The following GALNTL6 variants were observed in gnomAD, a reference collection of about 807,000 sequenced individuals.
GALNTL6 encodes the protein polypeptide N-acetylgalactosaminyltransferase-like 6.
In GALNTL6, 46 loss-of-function variants were observed where a neutral mutation model predicts 73.7. That is an observed-to-expected ratio of 0.62 (90% CI 0.49 to 0.80). The LOEUF is 0.80. Among genes scored for constraint, GALNTL6 ranks in the 30% least tolerant of loss-of-function variants. The probability of loss-of-function intolerance (pLI) is 0.00; values close to 1 mark genes in which losing one functional copy is unlikely to be tolerated. For missense variants in GALNTL6, 604 were observed against 755.0 expected (o/e 0.80, Z 2.34); for synonymous variants, 259 against 263.7 (o/e 0.98, Z 0.17).
intron 10 of GALNTL6, among the ~76,000 whole-genome samples, chr4:172,992,554 ATTTAT>A (rs1751587989): frequency 6.6e-6 from 1 of 152,158 alleles, no homozygotes. Flanking sequence ...GAGCTCTTTT[ATTTAT>A]TTTAATAATG....
At chr4:172,272,488 A>G (rs148086076) in intron 3 of GALNTL6, among the ~76,000 whole-genome samples, 6 of 152,316 alleles carry the variant, frequency 3.9e-5, no homozygotes, top group Admixed American at 6.5e-5. Context: ...TGAATACTGT[A>G]GGCAACTATA....
rs184239086 is a variant in GALNTL6 at position 172,885,990 on chromosome 4, T to C, written c.1041+3083T>C. On this transcript the variant is annotated intron_variant, in intron 8 of 12. Transcript: ENST00000506823. ...TTTTTACATCTATGTTTATGAGGAA[T>C]GTTGGCCTATAGATTTTTTTGTGTG... 1.6e-3 allele frequency among the ~76,000 whole-genome samples: 237 copies of C among 152,332 alleles called. 1 individual carries two copies. Among genetic ancestry groups the C allele is most frequent in the African/African-American group, 5.5e-3 (230 of 41,584 alleles).
chr4:172,758,608 G>A (rs1019599630), intron 5 of GALNTL6, among the ~76,000 whole-genome samples: 2 of 152,166 alleles, frequency 1.3e-5, no homozygotes, highest in Non-Finnish European at 2.9e-5. Flanking sequence ...TAAATTTGTT[G>A]CTGAAGTAGC....
intron 3 of GALNTL6, among the ~76,000 whole-genome samples, chr4:172,263,506 C>G (rs748274130): frequency 1.3e-5 from 2 of 151,108 alleles, no homozygotes; most frequent in Non-Finnish European, 3.0e-5. Context: ...CTTTTGAGAA[C>G]TTTCATCCAT....
chr4:172,602,879 C>T (rs1381678087), intron 5 of GALNTL6, among the ~76,000 whole-genome samples: 1 of 152,036 alleles, frequency 6.6e-6, no homozygotes, highest in Non-Finnish European at 1.5e-5. Flanking sequence ...TACAATAGGC[C>T]ACTAGTCAGT....
At chr4:172,850,055 T>G (rs1364781766) in intron 7 of GALNTL6, among the ~76,000 whole-genome samples, 2 of 152,140 alleles carry the variant, frequency 1.3e-5, no homozygotes, top group Non-Finnish European at 2.9e-5. Flanking sequence ...TCTGGCATAT[T>G]TGGGTTTGGG....
intron 7 of GALNTL6, among the ~76,000 whole-genome samples, chr4:172,847,515 T>G (rs149626912): frequency 3.3e-5 from 5 of 152,118 alleles, no homozygotes; most frequent in African/African-American, 1.2e-4. Flanking sequence ...TATTATTATT[T>G]TATTCTAAGT....
intron 9 of GALNTL6, among the ~76,000 whole-genome samples, chr4:172,943,704 T>C (rs1431882224): frequency 6.6e-6 from 1 of 152,082 alleles, no homozygotes; most frequent in Non-Finnish European, 1.5e-5. Context: ...AAAATGCAAA[T>C]CATACATCTG....
At chr4:172,711,704 T>C (rs1375921362) in intron 5 of GALNTL6, among the ~76,000 whole-genome samples, 5 of 152,104 alleles carry the variant, frequency 3.3e-5, no homozygotes, top group Non-Finnish European at 7.4e-5. Flanking sequence ...GATTTCCAAG[T>C]AGATGTGCTG....
intron 2 of GALNTL6, among the ~76,000 whole-genome samples, chr4:171,875,142 T>A (rs1012633037): frequency 2.6e-5 from 4 of 152,034 alleles, no homozygotes; most frequent in African/African-American, 9.7e-5. Context: ...TAGCGATAGG[T>A]ACTATTTTTT....
At chr4:172,123,781 G>C (rs1029182902) in intron 2 of GALNTL6, among the ~76,000 whole-genome samples, 1 of 152,138 alleles carries the variant, frequency 6.6e-6, no homozygotes, top group Non-Finnish European at 1.5e-5. Context: ...TTACAGGCAT[G>C]AGCCACTGTG....
intron 4 of GALNTL6, among the ~76,000 whole-genome samples, chr4:172,326,896 C>G (rs1740962614): frequency 6.6e-6 from 1 of 151,794 alleles, no homozygotes; most frequent in Non-Finnish European, 1.5e-5. Context: ...ATTGATCTAT[C>G]TTTAAACAAT....
chr4:172,631,003 G>C (rs1739371795), intron 5 of GALNTL6, among the ~76,000 whole-genome samples: 1 of 151,810 alleles, frequency 6.6e-6, no homozygotes, highest in Non-Finnish European at 1.5e-5. Flanking sequence ...TAAACTGTAT[G>C]AAAAATGTAA....
chr4:172,447,930 T>G (rs1385291218), intron 5 of GALNTL6, among the ~76,000 whole-genome samples: 2 of 152,176 alleles, frequency 1.3e-5, no homozygotes, highest in Non-Finnish European at 2.9e-5. Flanking sequence ...AAGTAAGTTA[T>G]TTTGAAATAA....
intron 5 of GALNTL6, among the ~76,000 whole-genome samples, chr4:172,618,848 C>G (rs1738843874): frequency 6.6e-6 from 1 of 152,056 alleles, no homozygotes. Context: ...CTTAGCCTCC[C>G]AAGTAGCTGC....
chr4:172,832,544 T>A (rs1458895645), intron 7 of GALNTL6, among the ~76,000 whole-genome samples: 4 of 152,210 alleles, frequency 2.6e-5, no homozygotes, highest in Admixed American at 6.5e-5. Flanking sequence ...TGCAAAGATG[T>A]GTGACTAGGC....
chr4:172,445,840 T>C (rs193068356), intron 5 of GALNTL6, among the ~76,000 whole-genome samples: 1 of 152,240 alleles, frequency 6.6e-6, no homozygotes, highest in Admixed American at 6.5e-5. Context: ...TCAGAAAAGG[T>C]ATAAAAATAT....
chr4:172,348,266 A>G (rs1741822171), intron 4 of GALNTL6, among the ~76,000 whole-genome samples: 2 of 152,212 alleles, frequency 1.3e-5, no homozygotes, highest in Non-Finnish European at 2.9e-5. Context: ...AGAGCACAAC[A>G]TTTCAAAAAC....
chr4:172,803,817 G>A (rs940677767), intron 5 of GALNTL6, among the ~76,000 whole-genome samples: 1 of 152,040 alleles, frequency 6.6e-6, no homozygotes, highest in Non-Finnish European at 1.5e-5. Context: ...GACATCCAGA[G>A]ATAGAACCAG....
Sources: allele counts gnomAD v4.1 joint callset (sites outside exome capture counted in the v4.1 genomes callset), GRCh38; gene constraint gnomAD v4.1.1; transcripts MANE v1.5; gene names NCBI Gene and HGNC (gene_info 2026-07-23, HGNC 2026-07-21).